Variants in CDK1 observed in about 807,000 individuals in gnomAD.
CDK1 encodes the protein cyclin-dependent kinase 1.
CDK1 carries 5 observed loss-of-function variants against 34.6 expected under a neutral mutation model. The ratio of observed to expected loss-of-function variants is 0.14; its 90% confidence interval spans 0.08 to 0.30. The LOEUF (loss-of-function observed/expected upper bound fraction) is 0.30, where lower values mean the gene tolerates loss of function less well. Ranked by LOEUF, CDK1 falls within the 10% of genes least tolerant of loss-of-function variation. CDK1 has a pLI of 1.00. For missense variants in CDK1, 157 were observed against 345.7 expected, an observed-to-expected ratio of 0.45 and a Z score of 4.33; for synonymous variants, 108 against 114.7, an observed-to-expected ratio of 0.94 and a Z score of 0.37.
rs3213030 is a variant in CDK1 at position 60,780,573 on chromosome 10, A to G, written c.37+371A>G. Among the ~76,000 whole-genome samples the G allele has an allele frequency of 7.9e-3, 1,206 of 152,198 alleles. 14 individuals carry two copies. Among genetic ancestry groups the G allele is most frequent in the African/African-American group, 0.026 (1,089 of 41,516 alleles). ...ATATTTTTAGTTTTAGTCTCTTTCA[A>G]TTGTTTTTAGGATGATAAATATTTT... On this transcript the variant is annotated intron_variant, in intron 2 of 7. Transcript: ENST00000395284.
chr10:60,784,903 A>G (rs2080302657), intron 3 of CDK1, 42 bp downstream of exon 3: 8 of 1,541,482 alleles, frequency 5.2e-6, no homozygotes, highest in Middle Eastern at 1.7e-4. Context: ...TCTGCATGCT[A>G]TTTCAAATAT....
intron 4 of CDK1, chr10:60,786,177 G>T (rs1019196979): frequency 6.7e-5 from 60 of 900,890 alleles, no homozygotes; most frequent in South Asian, 4.1e-4. Context: ...TTATATTTCA[G>T]GTAAATTATA....
intron 1 of CDK1, among the ~76,000 whole-genome samples, chr10:60,779,253 G>A (rs2080251614): frequency 6.6e-6 from 1 of 152,184 alleles, no homozygotes; most frequent in African/African-American, 2.4e-5. Context: ...AGAACTTAAA[G>A]GTCTATTCTG....
intron 1 of CDK1, among the ~76,000 whole-genome samples, chr10:60,779,436 T>C (rs1480041376): frequency 1.3e-5 from 2 of 152,162 alleles, no homozygotes; most frequent in African/African-American, 4.8e-5. Context: ...GTTTTTCTGC[T>C]TAGTCCTTGA....
At chr10:60,781,057 TA>T (rs202143404) in intron 2 of CDK1, among the ~76,000 whole-genome samples, 1,245 of 69,478 alleles carry the variant, frequency 0.018, 2 homozygotes, top group Non-Finnish European at 0.028. Context: ...TATATATATA[TA>T]TTTTTTTTTT....
At chr10:60,787,797 CG>C in intron 4 of CDK1, 1 of 201,224 alleles carries the variant, frequency 5.0e-6, no homozygotes, top group South Asian at 1.9e-4. Context: ...ATTTAAGGAT[CG>C]GGGACCAAAA....
intron 7 of CDK1, among the ~76,000 whole-genome samples, chr10:60,792,867 T>C (rs900421686): frequency 6.6e-6 from 1 of 152,140 alleles, no homozygotes; most frequent in Non-Finnish European, 1.5e-5. Flanking sequence ...TAGCCACAAT[T>C]GACATATCTT....
chr10:60,784,354 G>A (rs2080297499), intron 2 of CDK1, among the ~76,000 whole-genome samples: 1 of 152,168 alleles, frequency 6.6e-6, no homozygotes, highest in African/African-American at 2.4e-5. Context: ...GTTTGACCAG[G>A]TGCGGTGGCT....
chr10:60,781,179 G>C (rs988088361), intron 2 of CDK1, among the ~76,000 whole-genome samples: 1 of 152,012 alleles, frequency 6.6e-6, no homozygotes, highest in Non-Finnish European at 1.5e-5. Flanking sequence ...AATTCCCAGA[G>C]AATTTGTGTT....
chr10:60,790,427 T>C (rs2080351430), intron 5 of CDK1, among the ~76,000 whole-genome samples: 1 of 152,118 alleles, frequency 6.6e-6, no homozygotes, highest in South Asian at 2.1e-4. Flanking sequence ...TTTAAATTTT[T>C]TAGAGACGGG....
At chr10:60,781,259 C>G (rs147929038) in intron 2 of CDK1, among the ~76,000 whole-genome samples, 2 of 152,058 alleles carry the variant, frequency 1.3e-5, no homozygotes, top group African/African-American at 4.8e-5. Context: ...TGATAGAACT[C>G]CAAACATACA....
chr10:60,787,436 G>C (rs1319808760), intron 4 of CDK1, among the ~76,000 whole-genome samples: 1 of 152,022 alleles, frequency 6.6e-6, no homozygotes, highest in African/African-American at 2.4e-5. Context: ...GTCCCTCTAA[G>C]ATGGAGCATC....
At chr10:60,793,617 C>T (rs747288986) in intron 7 of CDK1, among the ~76,000 whole-genome samples, 1 of 151,924 alleles carries the variant, frequency 6.6e-6, no homozygotes, top group Non-Finnish European at 1.5e-5. Flanking sequence ...TTTCTGGATG[C>T]TTGAGTCTTA....
At chr10:60,786,409 C>G (rs1430823624) in intron 4 of CDK1, 1 of 740,576 alleles carries the variant, frequency 1.4e-6, no homozygotes, top group Non-Finnish European at 1.6e-6. Context: ...AAAACATTAT[C>G]AAGACGTAGA....
chr10:60,785,555 T>C, intron 3 of CDK1, 109 bp from the exon 4 acceptor site: 1 of 678,728 alleles, frequency 1.5e-6, no homozygotes, highest in Non-Finnish European at 2.5e-6. Flanking sequence ...CTACTACGTC[T>C]TCCCCAGTTT....
intron 3 of CDK1, 46 bp from the exon 4 acceptor site, chr10:60,785,618 C>T (rs752848484): frequency 1.6e-6 from 2 of 1,241,304 alleles, no homozygotes; most frequent in South Asian, 1.6e-5. Context: ...AAACAGAGGT[C>T]AAAAATGTTT....
intron 2 of CDK1, among the ~76,000 whole-genome samples, chr10:60,781,100 T>C (rs2080269709): frequency 6.6e-6 from 1 of 152,046 alleles, no homozygotes; most frequent in African/African-American, 2.4e-5. Context: ...CCCATTCTAC[T>C]AAACAAATTT....
intron 1 of CDK1, among the ~76,000 whole-genome samples, chr10:60,779,097 C>T (rs1231519629): frequency 6.6e-6 from 1 of 152,240 alleles, no homozygotes; most frequent in Non-Finnish European, 1.5e-5. Context: ...GCTCTGCCCA[C>T]GGCCCCGGCC....
At chr10:60,788,997 C>T (rs1029540401) in intron 5 of CDK1, among the ~76,000 whole-genome samples, 1 of 152,072 alleles carries the variant, frequency 6.6e-6, no homozygotes, top group Non-Finnish European at 1.5e-5. Context: ...TAGCTTTGTT[C>T]TAACAGGCAA....
Sources: allele counts gnomAD v4.1 joint callset (sites outside exome capture counted in the v4.1 genomes callset), GRCh38; gene constraint gnomAD v4.1.1; transcripts MANE v1.5; gene names NCBI Gene and HGNC (gene_info 2026-07-23, HGNC 2026-07-21).